Variants in NHERF4 observed in about 807,000 individuals in gnomAD.
NHERF4 encodes Na(+)/H(+) exchange regulatory cofactor NHE-RF4.
the NHERF4 span, chr11:119,188,874 G>A: frequency 1.9e-6 from 3 of 1,613,354 alleles, no homozygotes; most frequent in Non-Finnish European, 2.5e-6. Flanking sequence ...CCAGGTGACT[G>A]ATGCCCCATG....
Sources: gnomAD v4.1 joint callset for allele counts on GRCh38, gnomAD v4.1.1 for gene constraint, MANE v1.5 for transcripts, NCBI Gene and HGNC (gene_info 2026-07-23, HGNC 2026-07-21) for gene names.